Variants in GRM4 observed in about 807,000 individuals in gnomAD.
GRM4 encodes metabotropic glutamate receptor 4.
A neutral mutation model predicts 81.7 loss-of-function variants in GRM4; 28 were observed. The ratio of observed to expected loss-of-function variants is 0.34; its 90% CI spans 0.25 to 0.47. The LOEUF (loss-of-function observed/expected upper bound fraction) is 0.47, where lower values mean the gene tolerates loss of function less well. Among genes scored for constraint, GRM4 ranks in the 20% least tolerant of loss-of-function variants. The pLI, the probability that GRM4 is intolerant of heterozygous loss-of-function variation, is 1.00. For missense variants in GRM4, 948 were observed against 1,290.0 expected (o/e 0.73, Z 4.06); for synonymous variants, 488 against 528.8 (o/e 0.92, Z 1.06).
chr6:34,022,696 ACCAAG>A lies in GRM4; in HGVS notation c.*120_*124del. ...GGCTGGGGGCTCTGCTATCCTCAGC[ACCAAG>A]CCACGTCCGTGGGTGCCCACGGGCA... On this transcript the variant is annotated 3_prime_UTR_variant, in exon 11 of 11. Transcript: ENST00000538487. The surrounding 1 kb of genome is among the most constrained non-coding windows in gnomAD (Gnocchi z 5.6). The A allele has an allele frequency of 1.2e-6, 1 of 825,738 alleles. No homozygotes were observed. 51.2% of individuals were successfully genotyped at this position (825,738 alleles called of 1,614,324 possible). A position where few individuals can be genotyped will look rare whatever the true frequency, so the allele number is the denominator to read the frequency against.
intron 2 of GRM4, among the ~76,000 whole-genome samples, chr6:34,104,438 C>T (rs2499714): frequency 0.17 from 25,989 of 152,250 alleles, 3,156 homozygotes; most frequent in African/African-American, 0.33. Context: ...GGATTATTCA[C>T]TTCTCCCTCA....
intron 2 of GRM4, among the ~76,000 whole-genome samples, chr6:34,122,924 G>A (rs561945100): frequency 6.6e-6 from 1 of 152,206 alleles, no homozygotes; most frequent in Non-Finnish European, 1.5e-5. Flanking sequence ...CAGTATGACT[G>A]CCCACAAGGC....
intron 1 of GRM4, among the ~76,000 whole-genome samples, chr6:34,135,652 C>T (rs1420252679): frequency 6.6e-6 from 1 of 152,248 alleles, no homozygotes; most frequent in East Asian, 1.9e-4. Context: ...GGGAGCTGCA[C>T]CTGTATGGAG....
rs543325780 is a variant in GRM4, at chr6:34,064,204, G to A, written c.737-2176C>T. ...AGAGATTCAGACCAGAAGGGAGTGC[G>A]GGGGGCGGGGGTGTGCAGAGCTCCG... On this transcript the variant is annotated intron_variant, in intron 3 of 10. Coordinates refer to ENST00000538487, the MANE Select transcript of GRM4 (RefSeq NM_000841.4). The surrounding 1 kb of genome is among the most constrained non-coding windows in gnomAD (Gnocchi z 4.4). Among the ~76,000 whole-genome samples the A allele has an allele frequency of 4.6e-5, 7 of 152,222 alleles. No homozygotes were observed. The South Asian group carries it at 1.0e-3, about 23-fold the overall frequency.
In GRM4 at chr6:34,130,821, G is replaced by C. The variant is rs1278867017; in HGVS notation, c.519+2157C>G. On this transcript the variant is annotated intron_variant, in intron 2 of 10. Transcript: ENST00000538487. This position sits in a 1 kb window ranked among gnomAD's most constrained non-coding sequence, Gnocchi z 4.1. Reference sequence around the variant, plus strand: ...GTCACAGGTTCAAGGGCTGGACCAGGCTGTTTTACCATCTTTCTAAAAGAC... The same window carrying C: ...GTCACAGGTTCAAGGGCTGGACCAGCCTGTTTTACCATCTTTCTAAAAGAC... 6.6e-6 allele frequency among the ~76,000 whole-genome samples: 1 copy of C among 152,218 alleles called. No homozygotes were observed. Among genetic ancestry groups the C allele is most frequent in the East Asian group, 1.9e-4 (1 of 5,198 alleles).
chr6:34,031,886 G>A (rs1322346043), intron 9 of GRM4, among the ~76,000 whole-genome samples: 1 of 151,984 alleles, frequency 6.6e-6, no homozygotes, highest in Non-Finnish European at 1.5e-5. Context: ...CAATATACAC[G>A]TACGTACCTG....
At chr6:34,024,552 T>A (rs59998731) in intron 10 of GRM4, 20,990 of 406,308 alleles carry the variant, frequency 0.052, 1,611 homozygotes, top group African/African-American at 0.24. Flanking sequence ...TGTCCAACTA[T>A]CAGTCTATCA....
rs1251771419 is a variant in GRM4, at chr6:34,059,256, C to G, written c.873-128G>C. On this transcript the variant is annotated intron_variant, in intron 4 of 10. Coordinates refer to ENST00000538487, the MANE Select transcript of GRM4 (RefSeq NM_000841.4). The surrounding 1 kb of genome is among the most constrained non-coding windows in gnomAD (Gnocchi z 5.7). ...CCCAGGGTCCACAACTGTCCCAGCA[C>G]CGATGCTTTCACCCCAAGCCATGGA... 4 of 785,380 alleles carry G rather than the reference C, an allele frequency of 5.1e-6. No homozygotes were observed. The South Asian group carries it at 6.7e-5, about 13-fold the overall frequency. 48.7% of individuals were successfully genotyped at this position (785,380 alleles called of 1,614,324 possible).
intron 2 of GRM4, among the ~76,000 whole-genome samples, chr6:34,129,191 T>A (rs1770142175): frequency 6.6e-6 from 1 of 152,080 alleles, no homozygotes. Context: ...ATTTTTGTAT[T>A]TTTAGTAGAG....
Position 34,114,325 on chromosome 6 carries a change from G to A in GRM4, c.519+18653C>T, listed in dbSNP as rs560959440. Reference sequence around the variant, plus strand: ...ATCTGCTACTAAAAGATGCTCACCAGCTATTTGGTGGATATATGAACCAAT... The same window carrying A: ...ATCTGCTACTAAAAGATGCTCACCAACTATTTGGTGGATATATGAACCAAT... On this transcript the variant is annotated intron_variant, in intron 2 of 10. Transcript: ENST00000538487. This position sits in a 1 kb window ranked among gnomAD's most constrained non-coding sequence, Gnocchi z 4.3. Among the ~76,000 whole-genome samples the A allele has an allele frequency of 2.0e-5, 3 of 152,272 alleles. No homozygotes were observed. The highest frequency in any genetic ancestry group is 6.5e-5 in the Admixed American group (1 of 15,300).
In GRM4 at chr6:34,124,475, C is replaced by T. The variant is rs375505940; in HGVS notation, c.519+8503G>A. ...ACTACATGCTTTGTCTTCCCACTGC[C>T]TGCCGTCTCCCTCCAGTGTGGAAGC... is the stretch of plus-strand genomic sequence containing the variant. On this transcript the variant is annotated intron_variant, in intron 2 of 10. Coordinates refer to ENST00000538487, the MANE Select transcript of GRM4 (RefSeq NM_000841.4). Among the ~76,000 whole-genome samples the T allele has an allele frequency of 4.6e-5, 7 of 152,354 alleles. No individual in the cohort carries two copies. The East Asian group carries it at 1.4e-3, about 29-fold the overall frequency.
chr6:34,082,042 G>C (rs569734435), intron 3 of GRM4, among the ~76,000 whole-genome samples: 132 of 151,598 alleles, frequency 8.7e-4, no homozygotes, highest in Non-Finnish European at 1.7e-3. Flanking sequence ...CTGCGGGACA[G>C]ATCCCTGTCC....
intron 2 of GRM4, among the ~76,000 whole-genome samples, chr6:34,124,875 C>T (rs1157679335): frequency 2.0e-5 from 3 of 152,158 alleles, no homozygotes; most frequent in Admixed American, 2.0e-4. Flanking sequence ...TCAGCCCTTC[C>T]ATAATGCCAT....
At position 34,069,194 on chromosome 6, in the gene GRM4, A is replaced by ACACACACACACGCACG. The variant is rs1766658526; in HGVS notation, c.737-7182_737-7167dup. 6.8e-6 allele frequency among the ~76,000 whole-genome samples: 1 copy of ACACACACACACGCACG among 148,054 alleles called. No homozygotes were observed. Among genetic ancestry groups the ACACACACACACGCACG allele is most frequent in the Non-Finnish European group, 1.5e-5 (1 of 67,612 alleles). Reference sequence around the variant, plus strand: ...CACACACACACACACACACACACACACACACACACACGCACGCACACACGG... The same window carrying ACACACACACACGCACG: ...CACACACACACACACACACACACACACACACACACACGCACGCACACACACACGCACGCACACACGG... On this transcript the variant is annotated intron_variant, in intron 3 of 10. Transcript: ENST00000538487. The surrounding 1 kb of genome is among the most constrained non-coding windows in gnomAD (Gnocchi z 6.4).
At chr6:34,071,322 ACACACACATCACACAGATAAACACCGCAC>A (rs1766816443) in intron 3 of GRM4, among the ~76,000 whole-genome samples, 1 of 143,618 alleles carries the variant, frequency 7.0e-6, no homozygotes, top group Non-Finnish European at 1.5e-5. Flanking sequence ...TACACACCAC[ACACACACATCACACAGATAAACACCGCAC>A]CACACACACA....
At chr6:34,065,470 G>T (rs555534487) in intron 3 of GRM4, among the ~76,000 whole-genome samples, 1 of 152,144 alleles carries the variant, frequency 6.6e-6, no homozygotes, top group Admixed American at 6.5e-5. Context: ...CGTATCTCAG[G>T]GCAGAGGCTG....
At chr6:34,123,867 T>C (rs1296440278) in intron 2 of GRM4, among the ~76,000 whole-genome samples, 1 of 151,970 alleles carries the variant, frequency 6.6e-6, no homozygotes, top group Non-Finnish European at 1.5e-5. Flanking sequence ...GCCCTTCCTC[T>C]CTCTGGTCTC....
chr6:34,132,989 G>A lies in GRM4; in HGVS notation c.508C>T (p.Arg170Cys), dbSNP rs764201799. ...SVSIMVANILRLFKIPQISYA... is the reference protein window; with the variant it reads ...SVSIMVANILCLFKIPQISYA... The stretch of plus-strand genomic sequence containing the variant: ...ACCAAGGCACTGACCTTGAAGAGGC[G>A]AAGGATGTTGGCCACCATGATGGAG... Residue 170 changes from arginine (R) to cysteine (C), a missense_variant, in exon 2 of 11, where the codon CGC (arginine) becomes TGC (cysteine). Transcript: ENST00000538487. The A allele has an allele frequency of 4.4e-6, 7 of 1,602,554 alleles. No individual in the cohort carries two copies. The highest frequency in any genetic ancestry group is 2.7e-5 in the African/African-American group (2 of 74,762).
intron 2 of GRM4, among the ~76,000 whole-genome samples, chr6:34,126,847 C>T (rs926961168): frequency 9.2e-5 from 14 of 152,196 alleles, no homozygotes; most frequent in Admixed American, 9.2e-4. Flanking sequence ...ATGGGTGGGG[C>T]GTAGAGCCTA....
Sources: gnomAD v4.1 joint callset for allele counts (sites outside exome capture counted in the v4.1 genomes callset) on GRCh38, gnomAD v4.1.1 for gene constraint, Gnocchi (gnomAD v3.1) non-coding constraint, MANE v1.5 for transcripts, NCBI Gene and HGNC (gene_info 2026-07-23, HGNC 2026-07-21) for gene names.